The following LPP variants were observed in gnomAD, a reference collection of about 807,000 sequenced individuals.
The protein encoded by LPP is lipoma-preferred partner.
LPP carries 38 observed loss-of-function variants against 60.4 expected under a neutral mutation model. The observed-to-expected ratio is 0.63, with a 90% CI of 0.49 to 0.83. The LOEUF is 0.83. LPP is among the 40% of genes least tolerant of loss of function. The pLI, the probability that LPP is intolerant of heterozygous loss-of-function variation, is 0.00. For missense variants in LPP, 902 were observed against 783.6 expected (o/e 1.15, Z -1.80); for synonymous variants, 328 against 290.8 (o/e 1.13, Z -1.30).
Position 188,483,253 on chromosome 3 carries a change from C to T in LPP, c.194-1339C>T, listed in dbSNP as rs1805343738. Reference sequence around the variant, plus strand: ...TATTTATAAGGCAAATAGAGGCAAACTGAACCATTTCAAAGGTGTATCAGA... The same window carrying T: ...TATTTATAAGGCAAATAGAGGCAAATTGAACCATTTCAAAGGTGTATCAGA... On this transcript the variant is annotated intron_variant, in intron 4 of 11. Transcript: ENST00000617246. Among the ~76,000 whole-genome samples, 3 of 152,270 alleles carry T rather than the reference C, an allele frequency of 2.0e-5. No homozygotes were observed. The South Asian group carries it at 6.2e-4, about 32-fold the overall frequency.
At chr3:188,646,630 C>T (rs1851152236) in intron 7 of LPP, among the ~76,000 whole-genome samples, 1 of 152,192 alleles carries the variant, frequency 6.6e-6, no homozygotes, top group African/African-American at 2.4e-5. Context: ...CTCAAAACCA[C>T]TGATATCTTG....
intron 7 of LPP, among the ~76,000 whole-genome samples, chr3:188,680,289 A>G (rs2149356991): frequency 1.3e-5 from 2 of 152,264 alleles, no homozygotes; most frequent in Middle Eastern, 3.4e-3. Context: ...AGTGTTTCTA[A>G]ATTGGATCGC....
chr3:188,577,525 T>C (rs1373594748), intron 6 of LPP, among the ~76,000 whole-genome samples: 2 of 151,566 alleles, frequency 1.3e-5, no homozygotes, highest in Non-Finnish European at 2.9e-5. Context: ...ACTTTGCTTT[T>C]GTTTTACATA....
chr3:188,200,435 A>T (rs1462137643), intron 1 of LPP, among the ~76,000 whole-genome samples: 1 of 152,126 alleles, frequency 6.6e-6, no homozygotes, highest in Non-Finnish European at 1.5e-5. Context: ...TTTTTAGTGG[A>T]GACGGGGTTT....
At chr3:188,443,473 G>A (rs1794526429) in intron 4 of LPP, among the ~76,000 whole-genome samples, 1 of 152,146 alleles carries the variant, frequency 6.6e-6, no homozygotes, top group Non-Finnish European at 1.5e-5. Flanking sequence ...GAAAGTATTG[G>A]CCTGCATTTA....
chr3:188,825,531 A>T (rs1186255064), intron 9 of LPP, among the ~76,000 whole-genome samples: 1 of 151,944 alleles, frequency 6.6e-6, no homozygotes, highest in East Asian at 1.9e-4. Flanking sequence ...TGAAGTGTGA[A>T]TCTATTGCTA....
At chr3:188,248,219 C>T (rs928753160) in intron 2 of LPP, among the ~76,000 whole-genome samples, 1 of 151,866 alleles carries the variant, frequency 6.6e-6, no homozygotes, top group Non-Finnish European at 1.5e-5. Context: ...CTTGAAAAGG[C>T]TTACAAGCCT....
At chr3:188,351,284 A>C (rs1765755573) in intron 3 of LPP, among the ~76,000 whole-genome samples, 1 of 152,160 alleles carries the variant, frequency 6.6e-6, no homozygotes, top group Non-Finnish European at 1.5e-5. Context: ...GAATTTCGGA[A>C]CTGGAAAGGA....
chr3:188,313,919 A>G (rs1190602508), intron 2 of LPP, among the ~76,000 whole-genome samples: 1 of 152,056 alleles, frequency 6.6e-6, no homozygotes, highest in Non-Finnish European at 1.5e-5. Context: ...TCATTTAATT[A>G]TATGTGTGTG....
intron 2 of LPP, among the ~76,000 whole-genome samples, chr3:188,237,514 C>CAT (rs1722343331): frequency 6.6e-6 from 1 of 152,136 alleles, no homozygotes; most frequent in South Asian, 2.1e-4. Flanking sequence ...TTTAAATAAT[C>CAT]AGACTTGAAA....
intron 4 of LPP, among the ~76,000 whole-genome samples, chr3:188,463,034 G>C (rs1799519138): frequency 1.3e-5 from 2 of 152,038 alleles, no homozygotes; most frequent in Admixed American, 6.6e-5. Context: ...TGAACCAGGA[G>C]GCAGAGGCTG....
At chr3:188,176,337 A>T (rs555756134) in intron 1 of LPP, among the ~76,000 whole-genome samples, 10 of 152,272 alleles carry the variant, frequency 6.6e-5, no homozygotes, top group Admixed American at 5.2e-4. Context: ...AAATAAATTT[A>T]AAAAAGAGTT....
At chr3:188,716,454 T>C (rs1251141451) in intron 8 of LPP, among the ~76,000 whole-genome samples, 2 of 152,224 alleles carry the variant, frequency 1.3e-5, no homozygotes, top group East Asian at 1.9e-4. Context: ...CCATTTTCTT[T>C]CTGCACTAGT....
intron 8 of LPP, among the ~76,000 whole-genome samples, chr3:188,759,684 T>A (rs536274818): frequency 2.0e-5 from 3 of 152,330 alleles, no homozygotes; most frequent in Admixed American, 6.5e-5. Flanking sequence ...CCAATTATCT[T>A]ACATTCTAAC....
chr3:188,823,793 A>T (rs565883298), intron 9 of LPP, among the ~76,000 whole-genome samples: 2 of 118,718 alleles, frequency 1.7e-5, no homozygotes, highest in Admixed American at 7.6e-5. Context: ...TTAATAATAA[A>T]TTTTAAAGTG....
At chr3:188,232,323 C>T (rs9843987) in intron 2 of LPP, among the ~76,000 whole-genome samples, 1 of 151,836 alleles carries the variant, frequency 6.6e-6, no homozygotes, top group Non-Finnish European at 1.5e-5. Context: ...CCTTTCAACT[C>T]TCAGCAATTT....
rs184801660 is a variant in LPP at position 188,880,377 on chromosome 3, A to G, written c.*5898A>G. 23 of 184,702 alleles carry G rather than the reference A, an allele frequency of 1.2e-4. No individual in the cohort carries two copies. The highest frequency in any genetic ancestry group is 3.5e-4 in the East Asian group (4 of 11,446). 11.4% of individuals were successfully genotyped at this position (184,702 alleles called of 1,614,324 possible). ...GACAGGTCCCCTTCAAAGTTACAAA[A>G]AAAAGTGCTAATTTTTGCTGTTAAA... On this transcript the variant is annotated 3_prime_UTR_variant, in exon 12 of 12. Coordinates refer to ENST00000617246, the MANE Select transcript of LPP (RefSeq NM_001375462.1).
At chr3:188,225,685 T>G (rs1717479587) in intron 2 of LPP, among the ~76,000 whole-genome samples, 158 bp downstream of exon 2, 1 of 152,238 alleles carries the variant, frequency 6.6e-6, no homozygotes, top group South Asian at 2.1e-4. Context: ...TCCTTCTTTC[T>G]TGAGTTGCTT....
In LPP at chr3:188,884,295, G is replaced by C. The variant is rs1770407810; in HGVS notation, c.*9816G>C. 4.3e-6 allele frequency: 1 copy of C among 230,606 alleles called. No individual in the cohort carries two copies. Among genetic ancestry groups the C allele is most frequent in the African/African-American group, 2.2e-5 (1 of 45,174 alleles). The allele number at this position is 230,606 out of a possible 1,614,324, so 14.3% of individuals were successfully genotyped here. A position where few individuals can be genotyped will look rare whatever the true frequency, so the allele number is the denominator to read the frequency against. On this transcript the variant is annotated 3_prime_UTR_variant, in exon 12 of 12. Coordinates refer to ENST00000617246, the MANE Select transcript of LPP (RefSeq NM_001375462.1). ...CTTGCAAGTCCAGTGCTGTCTCCAA[G>C]TAGCCACGCTCACAGCTGAGAACAC...
Sources: gnomAD v4.1 joint callset for allele counts (sites outside exome capture counted in the v4.1 genomes callset) on GRCh38, gnomAD v4.1.1 for gene constraint, MANE v1.5 for transcripts, NCBI Gene and HGNC (gene_info 2026-07-23, HGNC 2026-07-21) for gene names.